POLR2F: variants seen among roughly 807,000 people sequenced by gnomAD.
POLR2F encodes the protein RNA polymerase II, I and III subunit F, also known as DNA-directed RNA polymerases I, II, and III subunit RPABC2.
In POLR2F, 12 loss-of-function variants were observed where a neutral mutation model predicts 22.7. The observed-to-expected ratio is 0.53, with a 90% CI of 0.34 to 0.86. The LOEUF (loss-of-function observed/expected upper bound fraction) is 0.86, where lower values mean the gene tolerates loss of function less well. POLR2F is among the 40% of genes least tolerant of loss of function. The pLI is 0.02. For synonymous variants in POLR2F, 57 were observed against 66.0 expected (o/e 0.86, Z 0.66); for missense variants, 126 against 171.5 (o/e 0.73, Z 1.48).
At chr22:38,041,258 G>T, downstream of POLR2F, 1 of 1,184,242 alleles carries the variant, frequency 8.4e-7, no homozygotes, top group East Asian at 2.4e-5. Flanking sequence ...GGCAGGCACA[G>T]GGGGAGGGAG....
upstream of POLR2F, chr22:37,983,913 C>A (rs1932490629): frequency 6.8e-6 from 5 of 737,876 alleles, no homozygotes; most frequent in Non-Finnish European, 9.3e-6. The surrounding 1 kb of genome is among the most constrained non-coding windows in gnomAD (Gnocchi z 9.5). Context: ...CGCGCAGCCC[C>A]GAGGGCGGCC....
At chr22:38,041,439 T>C (rs548499988), downstream of POLR2F, 698 of 320,442 alleles carry the variant, frequency 2.2e-3, no homozygotes, top group Non-Finnish European at 3.1e-3. Flanking sequence ...AATGAGCTCA[T>C]GGGGCAAGTG....
At chr22:38,036,064 C>T (rs1569186445) in intron 5 of POLR2F, among the ~76,000 whole-genome samples, 1 of 151,898 alleles carries the variant, frequency 6.6e-6, no homozygotes, top group African/African-American at 2.4e-5. Context: ...CAACCTCCGC[C>T]TCCCGGGTTC....
downstream of POLR2F, among the ~76,000 whole-genome samples, chr22:38,028,901 G>A (rs1347856735): frequency 6.6e-6 from 1 of 152,228 alleles, no homozygotes; most frequent in African/African-American, 2.4e-5. Context: ...CAAAGGCCCT[G>A]CAAGCCCCGG....
chr22:37,956,704 A>C, intron 1 of POLR2F, 69 bp from the exon 2 acceptor site: 28 of 1,224,962 alleles, frequency 2.3e-5, no homozygotes, highest in Non-Finnish European at 3.1e-5. Flanking sequence ...AGTGTGATCC[A>C]CCGTGCCTGG....
At chr22:38,031,301 A>T (rs531467103), downstream of POLR2F, among the ~76,000 whole-genome samples, 2 of 152,202 alleles carry the variant, frequency 1.3e-5, no homozygotes, top group East Asian at 3.9e-4. The surrounding 1 kb of genome is among the most constrained non-coding windows in gnomAD (Gnocchi z 4.1). Context: ...ATTAAATGAG[A>T]TGTTCTTGGC....
chr22:37,999,569 TG>T, intron 1 of POLR2F, among the ~76,000 whole-genome samples: 1 of 152,176 alleles, frequency 6.6e-6, no homozygotes, highest in South Asian at 2.1e-4. Context: ...CATCTGCACC[TG>T]GGCGTCCTGA....
chr22:37,956,799 TGGA>T lies in POLR2F; in HGVS notation c.54_56del (p.Glu18del). ...TTTGATGGCGACGACTTTGATGATG[TGGA>T]GGAGGATGAAGGGCTAGATGACTTG... On this transcript the variant is annotated inframe_deletion, in exon 2 of 5. Coordinates refer to ENST00000442738, the MANE Select transcript of POLR2F (RefSeq NM_021974.5). 1 of 1,614,004 alleles carries T rather than the reference TGGA, an allele frequency of 6.2e-7. No individual in the cohort carries two copies. Among genetic ancestry groups the T allele is most frequent in the Non-Finnish European group, 8.5e-7 (1 of 1,179,894 alleles).
chr22:38,020,529 C>T (rs1569182369), intron 1 of POLR2F, among the ~76,000 whole-genome samples: 1 of 151,606 alleles, frequency 6.6e-6, no homozygotes, highest in South Asian at 2.1e-4. Flanking sequence ...CTCGGCCTCC[C>T]AAAGTGCTGG....
downstream of POLR2F, among the ~76,000 whole-genome samples, chr22:37,970,321 G>C (rs761632987): frequency 3.4e-5 from 5 of 145,710 alleles, no homozygotes; most frequent in Non-Finnish European, 7.5e-5. Context: ...GGAGATAATA[G>C]GCCAGGTGCG....
intron 5 of POLR2F, among the ~76,000 whole-genome samples, chr22:38,033,755 G>A (rs759481072): frequency 2.6e-5 from 4 of 152,166 alleles, no homozygotes; most frequent in African/African-American, 4.8e-5. Context: ...GGAAGCCACC[G>A]GAAGGCGCCA....
At chr22:37,959,514 A>T in intron 3 of POLR2F, 38 bp downstream of exon 3, 2 of 1,606,762 alleles carry the variant, frequency 1.2e-6, no homozygotes, top group African/African-American at 2.7e-5. Flanking sequence ...TCCATCTGTC[A>T]GGCCACAGTA....
chr22:38,025,829 A>G (rs767520604), intron 1 of POLR2F: 10 of 1,372,260 alleles, frequency 7.3e-6, no homozygotes, highest in Non-Finnish European at 9.3e-6. Flanking sequence ...GGTGTTTCCT[A>G]TGTATGAAAC....
rs1382349551 is a variant in POLR2F at position 38,010,602 on chromosome 22, G to GGTTT, written c.121-15267_121-15266insGTTT. On this transcript the variant is annotated intron_variant, in intron 1 of 2. Coordinates refer to the POLR2F transcript ENST00000333418. ...TAAATATGTAGTAATAATTCCTTGTGTTTTTTTTTTTTTTTTTTTTTTTTT... is the reference window on the plus strand; with the variant it reads ...TAAATATGTAGTAATAATTCCTTGTGGTTTTTTTTTTTTTTTTTTTTTTTTTTTT... Among the ~76,000 whole-genome samples the GGTTT allele has an allele frequency of 3.1e-4, 19 of 60,900 alleles. 1 individual carries two copies. The highest frequency in any genetic ancestry group is 1.3e-3 in the African/African-American group (18 of 13,886). The allele number at this position is 60,900 out of a possible 152,430, so 40.0% of individuals were successfully genotyped here. A position where few individuals can be genotyped will look rare whatever the true frequency, so the allele number is the denominator to read the frequency against.
At chr22:38,011,646 C>G (rs1473751286) in intron 1 of POLR2F, among the ~76,000 whole-genome samples, 1 of 152,074 alleles carries the variant, frequency 6.6e-6, no homozygotes, top group East Asian at 1.9e-4. Context: ...GCTACATTGA[C>G]TTGATTATTA....
intron 1 of POLR2F, among the ~76,000 whole-genome samples, chr22:37,991,970 C>T (rs1334324928): frequency 6.6e-6 from 1 of 152,204 alleles, no homozygotes; most frequent in Non-Finnish European, 1.5e-5. Flanking sequence ...AGAATGTGTG[C>T]AGGCAGCATG....
At chr22:37,989,408 C>T (rs1055360290) in intron 1 of POLR2F, among the ~76,000 whole-genome samples, 1 of 152,132 alleles carries the variant, frequency 6.6e-6, no homozygotes, top group African/African-American at 2.4e-5. Context: ...AAGTATTAAC[C>T]GAGCAGCCAC....
intron 1 of POLR2F, among the ~76,000 whole-genome samples, chr22:38,012,866 C>T (rs1282323487): frequency 6.6e-6 from 1 of 152,158 alleles, no homozygotes; most frequent in Non-Finnish European, 1.5e-5. Context: ...GCAGGGCGTA[C>T]ATGATATTGA....
At chr22:38,026,187 C>A in intron 2 of POLR2F, 1 of 532,570 alleles carries the variant, frequency 1.9e-6, no homozygotes, top group South Asian at 1.4e-5. Flanking sequence ...TTGGTTGGTG[C>A]CTTGTCCATC....
Sources: allele counts gnomAD v4.1 joint callset (sites outside exome capture counted in the v4.1 genomes callset), GRCh38; gene constraint gnomAD v4.1.1; non-coding constraint Gnocchi (gnomAD v3.1); transcripts MANE v1.5; gene names NCBI Gene and HGNC (gene_info 2026-07-23, HGNC 2026-07-21).